MAN1A1: variants seen among roughly 807,000 people sequenced by gnomAD.
MAN1A1 encodes mannosidase alpha class 1A member 1.
Under a neutral mutation model 70.8 loss-of-function variants are expected in MAN1A1, and 29 were observed. The observed-to-expected ratio is 0.41, with a 90% CI of 0.31 to 0.56. MAN1A1 has a LOEUF of 0.56. Ranked by LOEUF, MAN1A1 falls within the 20% of genes least tolerant of loss-of-function variation. The pLI is 0.29. For missense variants in MAN1A1, 747 were observed against 841.3 expected (o/e 0.89, Z 1.39); for synonymous variants, 349 against 330.1 (o/e 1.06, Z -0.62).
In MAN1A1 at chr6:119,311,716, A is replaced by G. The variant is rs116570062; in HGVS notation, c.604-4724T>C. Among the ~76,000 whole-genome samples the G allele has an allele frequency of 6.2e-3, 937 of 152,254 alleles. 6 individuals carry two copies. The highest frequency in any genetic ancestry group is 0.021 in the African/African-American group (884 of 41,538). ...AAAGGAACTCCCAAGGGAGAGGTGC[A>G]TCGGAATGAGGGCTTAGGACTAAGT... On this transcript the variant is annotated intron_variant, in intron 2 of 12. Transcript: ENST00000368468.
intron 2 of MAN1A1, among the ~76,000 whole-genome samples, chr6:119,347,260 C>A (rs1773754913): frequency 6.6e-6 from 1 of 152,204 alleles, no homozygotes. Context: ...CTTCATTCTG[C>A]AGCCACTTAA....
chr6:119,240,624 TGTTCAGGCATCCTGAG>T (rs1240831007), intron 6 of MAN1A1, among the ~76,000 whole-genome samples: 5 of 152,196 alleles, frequency 3.3e-5, no homozygotes, highest in South Asian at 2.1e-4. Flanking sequence ...GAAAGGAAAC[TGTTCAGGCATCCTGAG>T]GTTCAGGCAT....
At chr6:119,186,109 C>A (rs1473703850) in intron 11 of MAN1A1, among the ~76,000 whole-genome samples, 1 of 152,018 alleles carries the variant, frequency 6.6e-6, no homozygotes, top group Non-Finnish European at 1.5e-5. Context: ...CCCCAGAGCA[C>A]AGAACACTGT....
chr6:119,187,312 C>A (rs1773317427), intron 11 of MAN1A1, among the ~76,000 whole-genome samples: 1 of 152,014 alleles, frequency 6.6e-6, no homozygotes. Context: ...AATTGAAGAC[C>A]AAAACAATTC....
upstream of MAN1A1, chr6:119,350,564 G>A (rs969922473): frequency 2.0e-5 from 20 of 985,096 alleles, no homozygotes; most frequent in African/African-American, 3.0e-4. Flanking sequence ...TCGAAGACGA[G>A]TTTTATGCTG....
intron 6 of MAN1A1, among the ~76,000 whole-genome samples, chr6:119,230,162 G>T (rs982827147): frequency 1.3e-5 from 2 of 152,182 alleles, no homozygotes. Context: ...CTGCATTGCA[G>T]GCTTGTGTTT....
intron 6 of MAN1A1, among the ~76,000 whole-genome samples, chr6:119,222,495 T>C (rs1163692170): frequency 2.6e-5 from 4 of 151,634 alleles, no homozygotes; most frequent in Non-Finnish European, 5.9e-5. Context: ...GCTGGCTAAT[T>C]TTTTAAGTTT....
intron 8 of MAN1A1, among the ~76,000 whole-genome samples, chr6:119,194,179 A>G (rs1235189339): frequency 2.0e-5 from 3 of 152,226 alleles, no homozygotes; most frequent in Non-Finnish European, 4.4e-5. Flanking sequence ...AGTGAAAAAC[A>G]CCCAACTAAA....
chr6:119,310,248 AT>A (rs1171581444), intron 2 of MAN1A1, among the ~76,000 whole-genome samples: 2 of 152,328 alleles, frequency 1.3e-5, no homozygotes, highest in Admixed American at 6.5e-5. Flanking sequence ...CTCTTAGCAA[AT>A]ACTTCCATTT....
upstream of MAN1A1, among the ~76,000 whole-genome samples, chr6:119,350,207 G>A (rs948286660): frequency 7.9e-5 from 12 of 152,196 alleles, no homozygotes; most frequent in Non-Finnish European, 1.8e-4. Flanking sequence ...GGGGGTCCCG[G>A]GAAAGGCGGG....
Position 119,204,880 on chromosome 6 carries a change from C to T in MAN1A1, c.995G>A (p.Gly332Asp). 6.2e-7 allele frequency: 1 copy of T among 1,613,670 alleles called. No homozygotes were observed. The change falls in exon 7 of 13, where the codon GGT becomes GAT. Residue 332 changes from glycine (G) to aspartate (D), a missense_variant and splice_region_variant. Physicochemically the swap from Gly to Asp is moderately conservative, Grantham distance 94. Coordinates refer to ENST00000368468, the MANE Select transcript of MAN1A1 (RefSeq NM_005907.4). ...IPWALLNMKS[G>D]IGRNWPWASG... ...GGCCCAGGGCCAGTTCCTTCCAATA[C>T]CACTAAAGAAGAGATGACGTCGAAG...
chr6:119,350,040 C>G (rs1011951830), upstream of MAN1A1, among the ~76,000 whole-genome samples: 7 of 152,148 alleles, frequency 4.6e-5, no homozygotes, highest in African/African-American at 1.7e-4. Flanking sequence ...CGAGAAGCGG[C>G]AGGCAGAGTT....
rs781330587 is a variant in MAN1A1, at chr6:119,179,921, G to A, written c.1860C>T (p.Asp620=). 103 of 1,613,528 alleles carry A rather than the reference G, an allele frequency of 6.4e-5. No homozygotes were observed. The highest frequency in any genetic ancestry group is 1.7e-4 in the Middle Eastern group (1 of 6,054). Residue 620 remains aspartate (D), a synonymous_variant, in exon 13 of 13, where the codon GAC becomes GAT. Transcript: ENST00000368468. ...AATGCTCCAGTGGAAGAAGATCGTC[G>A]TCAGAAAATATTAGGTACAAATATC... ...TLKYLYLIFS[D]DDLLPLEHWI...
chr6:119,348,432 T>A, intron 2 of MAN1A1, 31 bp downstream of exon 2: 1 of 1,533,086 alleles, frequency 6.5e-7, no homozygotes, highest in Non-Finnish European at 8.9e-7. Context: ...ACACGGCCGG[T>A]CGGGAGGGAT....
intron 6 of MAN1A1, among the ~76,000 whole-genome samples, chr6:119,213,071 G>A (rs1290560055): frequency 6.6e-6 from 1 of 152,162 alleles, no homozygotes; most frequent in Admixed American, 6.5e-5. Context: ...TAATTTTTAA[G>A]CTGCATGAGG....
intron 11 of MAN1A1, among the ~76,000 whole-genome samples, chr6:119,186,178 A>G (rs1352638729): frequency 6.6e-6 from 1 of 152,118 alleles, no homozygotes; most frequent in African/African-American, 2.4e-5. Flanking sequence ...AATTGGAATG[A>G]GTTACTTTAT....
intron 2 of MAN1A1, among the ~76,000 whole-genome samples, chr6:119,326,288 C>G (rs924386896): frequency 6.6e-6 from 1 of 152,240 alleles, no homozygotes; most frequent in African/African-American, 2.4e-5. Flanking sequence ...GTCCTGGCTC[C>G]TCACTGTCCG....
At position 119,189,903 on chromosome 6, in the gene MAN1A1, T is replaced by C. The variant is rs1773396099; in HGVS notation, c.1327-20A>G. ...GATAGCCTGTGAAAAACACTTATTT[T>C]TTAACATTTTGTAATCTCTTCTCAA... On this transcript the variant is annotated intron_variant, in intron 9 of 12. Transcript: ENST00000368468. The C allele has an allele frequency of 6.3e-7, 1 of 1,581,664 alleles. No homozygotes were observed. The highest frequency in any genetic ancestry group is 1.7e-5 in the Admixed American group (1 of 59,114).
intron 6 of MAN1A1, among the ~76,000 whole-genome samples, chr6:119,214,227 G>C (rs1242410953): frequency 6.6e-6 from 1 of 152,060 alleles, no homozygotes; most frequent in African/African-American, 2.4e-5. Flanking sequence ...GCCTCCCAAA[G>C]TGCTGGGATT....
Sources: gnomAD v4.1 joint callset for allele counts (sites outside exome capture counted in the v4.1 genomes callset) on GRCh38, gnomAD v4.1.1 for gene constraint, MANE v1.5 for transcripts, NCBI Gene and HGNC (gene_info 2026-07-23, HGNC 2026-07-21) for gene names.